Variants in TSPAN32 observed in about 807,000 individuals in gnomAD.
TSPAN32 encodes tetraspanin-32.
In TSPAN32, 47 loss-of-function variants were observed where a neutral mutation model predicts 42.7. The ratio of observed to expected loss-of-function variants is 1.10; its 90% CI spans 0.87 to 1.40. TSPAN32 has a LOEUF of 1.40. Ranked by LOEUF, TSPAN32 falls within the 40% of genes most tolerant of loss-of-function variation. TSPAN32 has a pLI of 0.00. For missense variants in TSPAN32, 469 were observed against 424.1 expected, an observed-to-expected ratio of 1.11 and a Z score of -0.93; for synonymous variants, 175 against 175.9, an observed-to-expected ratio of 0.99 and a Z score of 0.04.
Position 2,304,144 on chromosome 11 carries a change from T to G in TSPAN32, c.219T>G (p.Thr73=), listed in dbSNP as rs555848083. The change falls in exon 3 of 10, where the codon ACT becomes ACG. Residue 73 remains threonine (T), a synonymous_variant. Transcript: ENST00000182290. This position sits in a 1 kb window ranked among gnomAD's most constrained non-coding sequence, Gnocchi z 4.8. ...SAGLSLVGLL[T]LGAVLSAAAT... is the part of the protein sequence containing the mutation. ...GGTTGAGCCTGGTGGGCCTCCTGAC[T>G]CTGGGAGCCGTGCTGAGCGCTGCAG... The G allele has an allele frequency of 6.3e-7, 1 of 1,589,084 alleles. No individual in the cohort carries two copies. Among genetic ancestry groups the G allele is most frequent in the Non-Finnish European group, 8.6e-7 (1 of 1,168,092 alleles).
chr11:2,315,864 C>T (rs1401533707), intron 6 of TSPAN32: 6 of 1,399,370 alleles, frequency 4.3e-6, no homozygotes, highest in African/African-American at 1.4e-5. Flanking sequence ...CCTCTGGTCA[C>T]CAAGGTGCTG....
At chr11:2,306,561 GA>G (rs1359618607) in intron 3 of TSPAN32, among the ~76,000 whole-genome samples, 2 of 151,454 alleles carry the variant, frequency 1.3e-5, no homozygotes, top group Admixed American at 6.6e-5. Context: ...GAGAAAGAGA[GA>G]AAGAGAGAAA....
At chr11:2,306,113 G>A (rs893880332) in intron 3 of TSPAN32, among the ~76,000 whole-genome samples, 7 of 151,300 alleles carry the variant, frequency 4.6e-5, no homozygotes, top group Admixed American at 2.0e-4. Flanking sequence ...GTTGCCATAC[G>A]GGTGTGGTGT....
At chr11:2,316,792 A>T in intron 8 of TSPAN32, 125 bp downstream of exon 8, 1 of 1,088,000 alleles carries the variant, frequency 9.2e-7, no homozygotes, top group Non-Finnish European at 1.3e-6. Flanking sequence ...ACTGTAGAGG[A>T]AACGCTTTGG....
rs1344024583 is a variant in TSPAN32, at chr11:2,304,820, C to A, written c.279+616C>A. Among the ~76,000 whole-genome samples the A allele has an allele frequency of 2.6e-5, 4 of 152,076 alleles. No individual in the cohort carries two copies. Among genetic ancestry groups the A allele is most frequent in the African/African-American group, 9.7e-5 (4 of 41,396 alleles). ...CCATGGGCTTCTGTCTTGGTCCCTGCCACTCGATGGTCATCGCAGACCCCA... is the reference window on the plus strand; with the variant it reads ...CCATGGGCTTCTGTCTTGGTCCCTGACACTCGATGGTCATCGCAGACCCCA... On this transcript the variant is annotated intron_variant, in intron 3 of 9. Coordinates refer to ENST00000182290, the MANE Select transcript of TSPAN32 (RefSeq NM_139022.3). This position sits in a 1 kb window ranked among gnomAD's most constrained non-coding sequence, Gnocchi z 4.8.
At chr11:2,311,954 A>C (rs1353719194) in intron 4 of TSPAN32, among the ~76,000 whole-genome samples, 1 of 152,142 alleles carries the variant, frequency 6.6e-6, no homozygotes, top group Non-Finnish European at 1.5e-5. Context: ...TTGGGGTAGG[A>C]GGCCTACCTC....
At chr11:2,315,870 T>G in intron 6 of TSPAN32, 1 of 1,407,542 alleles carries the variant, frequency 7.1e-7, no homozygotes, top group Non-Finnish European at 9.5e-7. Flanking sequence ...GTCACCAAGG[T>G]GCTGTGCCCG....
chr11:2,315,893 A>G (rs1489392083), intron 6 of TSPAN32: 1 of 1,448,440 alleles, frequency 6.9e-7, no homozygotes, highest in South Asian at 1.2e-5. Context: ...CCTGGGCTGG[A>G]TGCTGGGAAC....
intron 3 of TSPAN32, among the ~76,000 whole-genome samples, chr11:2,305,516 G>T (rs1298607283): frequency 6.6e-6 from 1 of 152,244 alleles, no homozygotes; most frequent in Non-Finnish European, 1.5e-5. Flanking sequence ...CCACCAGGGG[G>T]TGCCATGGTG....
rs776029532 is a variant in TSPAN32, at chr11:2,316,322, C to T, written c.627+10C>T. ...CGGCCTGGCCCTCACGGTACCCTCT[C>T]GCCTCCCTCACTGCCCCTTCCCACC... is the stretch of plus-strand genomic sequence containing the variant. On this transcript the variant is annotated intron_variant, in intron 7 of 9. Coordinates refer to ENST00000182290, the MANE Select transcript of TSPAN32 (RefSeq NM_139022.3). The T allele has an allele frequency of 4.8e-5, 77 of 1,589,662 alleles. No homozygotes were observed. The highest frequency in any genetic ancestry group is 6.7e-5 in the African/African-American group (5 of 74,616).
intron 4 of TSPAN32, among the ~76,000 whole-genome samples, chr11:2,311,127 G>C (rs1040340376): frequency 8.5e-5 from 13 of 152,210 alleles, no homozygotes; most frequent in Non-Finnish European, 1.3e-4. Flanking sequence ...CCTGAACACA[G>C]GGTCAGGGTG....
intron 6 of TSPAN32, chr11:2,315,190 C>T (rs1848710928): frequency 1.2e-6 from 1 of 828,878 alleles, no homozygotes; most frequent in Admixed American, 4.9e-5. Context: ...CCTCCCTGCT[C>T]CCCTCCCCGC....
intron 8 of TSPAN32, 64 bp downstream of exon 8, chr11:2,316,731 C>A: frequency 6.8e-7 from 1 of 1,475,012 alleles, no homozygotes; most frequent in Non-Finnish European, 9.1e-7. Context: ...CGAGAGGCAT[C>A]TGCTCTGCCA....
chr11:2,312,502 A>G (rs142725418), intron 4 of TSPAN32, among the ~76,000 whole-genome samples: 107 of 152,290 alleles, frequency 7.0e-4, no homozygotes, highest in African/African-American at 2.5e-3. Flanking sequence ...ATTAGCATCA[A>G]TGGGAGGGAT....
chr11:2,306,086 G>A lies in TSPAN32; in HGVS notation c.279+1882G>A, dbSNP rs571342249. Among the ~76,000 whole-genome samples the A allele has an allele frequency of 3.4e-3, 495 of 145,222 alleles. 2 individuals carry two copies. The highest frequency in any genetic ancestry group is 0.012 in the African/African-American group (463 of 37,130). ...TGTGTGTGTGTAAGTATCTGTCACC[G>A]GTCTTCACCTGCCCCTGTTGCCATA... On this transcript the variant is annotated intron_variant, in intron 3 of 9. Coordinates refer to ENST00000182290, the MANE Select transcript of TSPAN32 (RefSeq NM_139022.3).
Position 2,317,947 on chromosome 11 carries a change from C to T in TSPAN32, c.*23C>T, listed in dbSNP as rs755802675. The T allele has an allele frequency of 2.3e-6, 2 of 884,136 alleles. No homozygotes were observed. The highest frequency in any genetic ancestry group is 3.4e-5 in the Admixed American group (2 of 58,060). 54.8% of individuals were successfully genotyped at this position (884,136 alleles called of 1,614,324 possible). A position where few individuals can be genotyped will look rare whatever the true frequency, so the allele number is the denominator to read the frequency against. ...TGACGTCAGGCCTTGGTGGGCTGCA[C>T]TCTCACCTGGAGGCTCCGGGGAAGC... On this transcript the variant is annotated 3_prime_UTR_variant, in exon 10 of 10. Transcript: ENST00000182290. The surrounding 1 kb of genome is among the most constrained non-coding windows in gnomAD (Gnocchi z 6.2).
rs1294627866 is a variant in TSPAN32, at chr11:2,308,617, C to T, written c.280-119C>T. ...CCAGCCCCCAACAGTGACCAGCCCC[C>T]CATAGTGACCGGCCCCCCACAGTGA... On this transcript the variant is annotated intron_variant, in intron 3 of 9. Transcript: ENST00000182290. 53 of 26,860 alleles carry T rather than the reference C, an allele frequency of 2.0e-3. 9 individuals carry two copies. Among genetic ancestry groups the T allele is most frequent in the African/African-American group, 0.015 (46 of 3,126 alleles). The allele number at this position is 26,860 out of a possible 1,614,324, so 1.7% of individuals were successfully genotyped here.
rs929826380 is a variant in TSPAN32 at position 2,318,040 on chromosome 11, A to T, written c.*116A>T. On this transcript the variant is annotated 3_prime_UTR_variant, in exon 10 of 10. Transcript: ENST00000182290. The surrounding 1 kb of genome is among the most constrained non-coding windows in gnomAD (Gnocchi z 4.2). ...TCATGGCTGTAGGACTGAGGTTCCC[A>T]AGTCCTTGTCCCTGGTCCTGTGGTC... 1 of 618,970 alleles carries T rather than the reference A, an allele frequency of 1.6e-6. No homozygotes were observed. 38.3% of individuals were successfully genotyped at this position (618,970 alleles called of 1,614,324 possible).
At position 2,317,888 on chromosome 11, in the gene TSPAN32, G is replaced by A. The variant is rs550737419; in HGVS notation, c.927G>A (p.Gly309=). ...HRALQGRSRG[G]LSGCPERGLS... ...CTCTCCAGGGCAGAAGTCGCGGTGG[G>A]CTCAGTGGGTGCCCTGAGCGGGGTC... The change falls in exon 10 of 10, where the codon GGG becomes GGA. Residue 309 remains glycine, a synonymous_variant. Transcript: ENST00000182290. The surrounding 1 kb of genome is among the most constrained non-coding windows in gnomAD (Gnocchi z 6.2). The A allele has an allele frequency of 7.0e-6, 10 of 1,430,158 alleles. No homozygotes were observed. Among genetic ancestry groups the A allele is most frequent in the South Asian group, 4.6e-5 (4 of 87,462 alleles). The allele number at this position is 1,430,158 out of a possible 1,614,324, so 88.6% of individuals were successfully genotyped here.
Sources: gnomAD v4.1 joint callset for allele counts (sites outside exome capture counted in the v4.1 genomes callset) on GRCh38, gnomAD v4.1.1 for gene constraint, Gnocchi (gnomAD v3.1) non-coding constraint, MANE v1.5 for transcripts, NCBI Gene and HGNC (gene_info 2026-07-23, HGNC 2026-07-21) for gene names.